LDB2: variants seen among roughly 807,000 people sequenced by gnomAD.
The protein encoded by LDB2 is LIM domain binding 2.
In LDB2, 12 loss-of-function variants were observed where a neutral mutation model predicts 44.3. That is an observed-to-expected ratio of 0.27 (90% CI 0.17 to 0.44). The LOEUF (loss-of-function observed/expected upper bound fraction) is 0.44, where lower values mean the gene tolerates loss of function less well. Ranked by LOEUF, LDB2 falls within the 20% of genes least tolerant of loss-of-function variation. The pLI, the probability that LDB2 is intolerant of heterozygous loss-of-function variation, is 1.00. For synonymous variants in LDB2, 164 were observed against 174.8 expected, an observed-to-expected ratio of 0.94 and a Z score of 0.49; for missense variants, 344 against 473.5, an observed-to-expected ratio of 0.73 and a Z score of 2.54.
intron 5 of LDB2, among the ~76,000 whole-genome samples, chr4:16,530,607 A>T (rs1019534809): frequency 1.3e-5 from 2 of 152,218 alleles, no homozygotes; most frequent in African/African-American, 4.8e-5. Context: ...TTCTTCTGAA[A>T]ACATAAAATA....
At chr4:16,545,687 C>G (rs895213321) in intron 5 of LDB2, among the ~76,000 whole-genome samples, 29 of 152,250 alleles carry the variant, frequency 1.9e-4, no homozygotes, top group African/African-American at 7.0e-4. Context: ...TGCAGGAAAA[C>G]TTGAAGATTA....
At chr4:16,848,782 C>A (rs1318939264) in intron 1 of LDB2, among the ~76,000 whole-genome samples, 1 of 152,046 alleles carries the variant, frequency 6.6e-6, no homozygotes, top group East Asian at 1.9e-4. Flanking sequence ...TATCAGCAAA[C>A]AACATCGCAA....
At chr4:16,707,403 C>A (rs1754840733) in intron 2 of LDB2, among the ~76,000 whole-genome samples, 1 of 151,950 alleles carries the variant, frequency 6.6e-6, no homozygotes, top group African/African-American at 2.4e-5. Flanking sequence ...AGAAAATGGC[C>A]AAATGGACAT....
chr4:16,886,033 A>G (rs933532424), intron 1 of LDB2, among the ~76,000 whole-genome samples: 2 of 152,060 alleles, frequency 1.3e-5, no homozygotes, highest in Admixed American at 1.3e-4. Context: ...CTGGGTAACA[A>G]AGAGAAATTC....
At chr4:16,787,478 G>T (rs1774704173) in intron 1 of LDB2, among the ~76,000 whole-genome samples, 1 of 152,112 alleles carries the variant, frequency 6.6e-6, no homozygotes, top group Non-Finnish European at 1.5e-5. Context: ...GCCAGGCGTG[G>T]TGGCATGCGC....
chr4:16,699,574 T>C (rs1752960602), intron 2 of LDB2, among the ~76,000 whole-genome samples: 1 of 152,168 alleles, frequency 6.6e-6, no homozygotes. Context: ...ACATGGAGAA[T>C]ATGTGAGGTG....
chr4:16,730,489 G>A lies in LDB2; in HGVS notation c.235+28669C>T, dbSNP rs528416425. Among the ~76,000 whole-genome samples the A allele has an allele frequency of 9.9e-4, 151 of 152,236 alleles. 1 individual carries two copies. The highest frequency in any genetic ancestry group is 4.0e-3 in the Admixed American group (61 of 15,280). On this transcript the variant is annotated intron_variant, in intron 2 of 7. Transcript: ENST00000304523. ...AAACTATATTGCTTACCAGATTACA[G>A]ATTTTTAAAAAATAATATTACCTAA...
intron 1 of LDB2, among the ~76,000 whole-genome samples, chr4:16,793,894 T>G (rs1776236164): frequency 6.6e-6 from 1 of 152,058 alleles, no homozygotes; most frequent in Admixed American, 6.5e-5. Flanking sequence ...ACTGAGGCCT[T>G]GGAAAACTAC....
chr4:16,689,311 A>C (rs1020777705), intron 2 of LDB2, among the ~76,000 whole-genome samples: 1 of 152,204 alleles, frequency 6.6e-6, no homozygotes, highest in Non-Finnish European at 1.5e-5. Flanking sequence ...ACCCTTGCCT[A>C]GTAGCCAGAA....
At chr4:16,505,360 C>CGTGTGT (rs570015306) in intron 7 of LDB2, among the ~76,000 whole-genome samples, 3 of 149,500 alleles carry the variant, frequency 2.0e-5, no homozygotes, top group Admixed American at 6.7e-5. Context: ...AGAGAGAGAG[C>CGTGTGT]GTGTGTGTGT....
intron 2 of LDB2, among the ~76,000 whole-genome samples, chr4:16,613,138 A>G (rs549512386): frequency 6.6e-6 from 1 of 152,344 alleles, no homozygotes; most frequent in South Asian, 2.1e-4. Context: ...AGATGCAGAA[A>G]AGGCCTTTGG....
intron 2 of LDB2, among the ~76,000 whole-genome samples, chr4:16,640,152 A>T (rs1000676860): frequency 6.6e-6 from 1 of 152,224 alleles, no homozygotes; most frequent in Non-Finnish European, 1.5e-5. Flanking sequence ...GCATTACCCA[A>T]TCATCTGTTT....
chr4:16,798,429 C>T (rs1002750199), intron 1 of LDB2, among the ~76,000 whole-genome samples: 13 of 152,224 alleles, frequency 8.5e-5, no homozygotes, highest in African/African-American at 3.1e-4. Context: ...CCTGAGAATC[C>T]AGGAGAGAGA....
At chr4:16,544,373 C>T (rs537263705) in intron 5 of LDB2, among the ~76,000 whole-genome samples, 2 of 152,200 alleles carry the variant, frequency 1.3e-5, no homozygotes, top group South Asian at 2.1e-4. Context: ...GGGTGGCTGA[C>T]GGTGACCAGG....
intron 1 of LDB2, among the ~76,000 whole-genome samples, chr4:16,808,274 C>T (rs1010309512): frequency 3.9e-5 from 6 of 152,222 alleles, no homozygotes; most frequent in East Asian, 3.9e-4. Context: ...CAGAGCTCCC[C>T]AAGAGAGTGA....
intron 2 of LDB2, among the ~76,000 whole-genome samples, chr4:16,629,119 G>T (rs1731155890): frequency 6.6e-6 from 1 of 152,206 alleles, no homozygotes; most frequent in Non-Finnish European, 1.5e-5. Flanking sequence ...AAAGTGGCAG[G>T]GAAGCTCAAA....
rs180732235 is a variant in LDB2, at chr4:16,598,284, C to T, written c.236-2409G>A. Among the ~76,000 whole-genome samples, 21 of 152,302 alleles carry T rather than the reference C, an allele frequency of 1.4e-4. 1 individual carries two copies. The East Asian group carries it at 3.9e-3, about 28-fold the overall frequency. On this transcript the variant is annotated intron_variant, in intron 2 of 7. Coordinates refer to ENST00000304523, the MANE Select transcript of LDB2 (RefSeq NM_001290.5). ...TTTGTTCTCAGGAAGAAGTCAGTTG[C>T]TATGTACAAAGTCCTACTACTCTAA...
intron 2 of LDB2, among the ~76,000 whole-genome samples, chr4:16,736,281 T>C (rs554424108): frequency 2.6e-5 from 4 of 152,316 alleles, no homozygotes; most frequent in African/African-American, 9.6e-5. Flanking sequence ...CCCAGAGGAT[T>C]ACCAAAACAA....
intron 5 of LDB2, among the ~76,000 whole-genome samples, chr4:16,558,577 C>T (rs562243426): frequency 3.0e-4 from 45 of 152,300 alleles, no homozygotes; most frequent in African/African-American, 1.1e-3. Flanking sequence ...ACCAAATCTA[C>T]GTCTGATTGG....
Sources: gnomAD v4.1 joint callset for allele counts (sites outside exome capture counted in the v4.1 genomes callset) on GRCh38, gnomAD v4.1.1 for gene constraint, MANE v1.5 for transcripts, NCBI Gene and HGNC (gene_info 2026-07-23, HGNC 2026-07-21) for gene names.